TIMP3: variants seen among roughly 807,000 people sequenced by gnomAD.
TIMP3 encodes the protein TIMP metallopeptidase inhibitor 3, also known as metalloproteinase inhibitor 3.
In TIMP3, 11 loss-of-function variants were observed where a neutral mutation model predicts 30.0. The observed-to-expected ratio is 0.37, with a 90% CI of 0.23 to 0.61. TIMP3 has a LOEUF of 0.61. Ranked by LOEUF, TIMP3 falls within the 20% of genes least tolerant of loss-of-function variation. TIMP3 has a pLI of 0.70. For missense variants in TIMP3, 181 were observed against 276.8 expected (o/e 0.65, Z 2.45); for synonymous variants, 112 against 111.3 (o/e 1.01, Z -0.04).
At chr22:32,809,834 C>A (rs1231818835) in intron 1 of TIMP3, among the ~76,000 whole-genome samples, 1 of 152,172 alleles carries the variant, frequency 6.6e-6, no homozygotes, top group Non-Finnish European at 1.5e-5. Flanking sequence ...CTCCTGGCTT[C>A]TTTGGTATAT....
chr22:32,844,560 C>A (rs141090463), intron 1 of TIMP3, among the ~76,000 whole-genome samples: 1 of 152,114 alleles, frequency 6.6e-6, no homozygotes, highest in Non-Finnish European at 1.5e-5. Flanking sequence ...GCTTCTCAGG[C>A]GCATGATATA....
intron 1 of TIMP3, among the ~76,000 whole-genome samples, chr22:32,835,524 T>C (rs2047705656): frequency 6.6e-6 from 1 of 152,082 alleles, no homozygotes; most frequent in Non-Finnish European, 1.5e-5. Context: ...TGATTTTAAA[T>C]GTGAAGTATG....
chr22:32,815,811 C>T (rs1569246617), intron 1 of TIMP3, among the ~76,000 whole-genome samples: 1 of 152,132 alleles, frequency 6.6e-6, no homozygotes, highest in Non-Finnish European at 1.5e-5. Flanking sequence ...CTCCTGACTC[C>T]AGAGTCCGAG....
At chr22:32,816,343 T>G (rs536605752) in intron 1 of TIMP3, among the ~76,000 whole-genome samples, 2 of 152,212 alleles carry the variant, frequency 1.3e-5, no homozygotes, top group South Asian at 4.1e-4. Flanking sequence ...TCGATAAACA[T>G]GGGTGAAATA....
chr22:32,805,045 G>A (rs1026747255), intron 1 of TIMP3, among the ~76,000 whole-genome samples: 6 of 152,218 alleles, frequency 3.9e-5, no homozygotes, highest in African/African-American at 9.7e-5. Flanking sequence ...GTGTGTGCGC[G>A]TGTGTGGCTT....
intron 1 of TIMP3, among the ~76,000 whole-genome samples, chr22:32,844,169 G>A (rs1256348216): frequency 6.6e-6 from 1 of 152,198 alleles, no homozygotes; most frequent in Non-Finnish European, 1.5e-5. Flanking sequence ...TTAGGTCGGG[G>A]AAGAAGGGTC....
chr22:32,856,706 A>G (rs1222868230), intron 2 of TIMP3, among the ~76,000 whole-genome samples: 1 of 152,220 alleles, frequency 6.6e-6, no homozygotes, highest in Admixed American at 6.5e-5. Flanking sequence ...GAGATATACA[A>G]TAAGTTATTG....
Position 32,861,573 on chromosome 22 carries a change from C to A in TIMP3, c.*2196C>A, listed in dbSNP as rs1028670677. On this transcript the variant is annotated 3_prime_UTR_variant, in exon 5 of 5. Coordinates refer to ENST00000266085, the MANE Select transcript of TIMP3 (RefSeq NM_000362.5). ...TGAGGCATCTGGCCATTCGCACTCC[C>A]TGGTGTGGTCAGCCTCTCTCACACA... The A allele has an allele frequency of 1.3e-5, 2 of 152,580 alleles. No individual in the cohort carries two copies. The highest frequency in any genetic ancestry group is 2.9e-5 in the Non-Finnish European group (2 of 68,052). The allele number at this position is 152,580 out of a possible 1,614,324, so 9.5% of individuals were successfully genotyped here.
At chr22:32,833,795 T>C (rs752928315) in intron 1 of TIMP3, 5 of 499,554 alleles carry the variant, frequency 1.0e-5, no homozygotes, top group Non-Finnish European at 2.0e-5. Flanking sequence ...ACTTACTTTA[T>C]AGGGCCCTAG....
intron 1 of TIMP3, among the ~76,000 whole-genome samples, chr22:32,845,350 G>A (rs1211535543): frequency 6.6e-6 from 1 of 151,926 alleles, no homozygotes; most frequent in Non-Finnish European, 1.5e-5. Context: ...GCGGCCCCAT[G>A]CCCAGCTAAT....
intron 1 of TIMP3, among the ~76,000 whole-genome samples, chr22:32,830,913 G>A (rs1050589848): frequency 6.6e-6 from 1 of 152,190 alleles, no homozygotes; most frequent in Non-Finnish European, 1.5e-5. Flanking sequence ...CCTCAGCCTG[G>A]ATGGGGTTTT....
Position 32,801,957 on chromosome 22 carries a change from T to G in TIMP3, c.-45T>G. ...CCCGCCGGCGGCGCGCACGGCAACT[T>G]TGGAGAGGCGAGCAGCAGCCCCGGC... On this transcript the variant is annotated 5_prime_UTR_variant, in exon 1 of 5. Coordinates refer to ENST00000266085, the MANE Select transcript of TIMP3 (RefSeq NM_000362.5). The surrounding 1 kb of genome is among the most constrained non-coding windows in gnomAD (Gnocchi z 4.7). 1 of 1,564,344 alleles carries G rather than the reference T, an allele frequency of 6.4e-7. No homozygotes were observed.
rs1025014482 is a variant in TIMP3, at chr22:32,837,376, C to T, written c.122-12076C>T. On this transcript the variant is annotated intron_variant, in intron 1 of 4. Coordinates refer to ENST00000266085, the MANE Select transcript of TIMP3 (RefSeq NM_000362.5). This position sits in a 1 kb window ranked among gnomAD's most constrained non-coding sequence, Gnocchi z 4.1. ...TGCACTTGCATGGCAGTAAGCAAGTCGGCGCCTCTGACCCCTGAGTGGGCT... is the reference window on the plus strand; with the variant it reads ...TGCACTTGCATGGCAGTAAGCAAGTTGGCGCCTCTGACCCCTGAGTGGGCT... 9.5e-5 allele frequency among the ~76,000 whole-genome samples: 14 copies of T among 147,358 alleles called. No homozygotes were observed. Among genetic ancestry groups the T allele is most frequent in the African/African-American group, 3.1e-4 (12 of 38,176 alleles).
At chr22:32,846,349 C>G (rs1180842841) in intron 1 of TIMP3, among the ~76,000 whole-genome samples, 1 of 152,206 alleles carries the variant, frequency 6.6e-6, no homozygotes, top group Admixed American at 6.5e-5. Flanking sequence ...TATGAGGTTG[C>G]CTTTCTTCTC....
chr22:32,831,442 C>A (rs569642920), intron 1 of TIMP3, among the ~76,000 whole-genome samples: 2 of 152,212 alleles, frequency 1.3e-5, no homozygotes, highest in East Asian at 3.9e-4. Context: ...GCCAGATGAT[C>A]AGGGCAGCGG....
chr22:32,850,390 G>A (rs956429615), intron 2 of TIMP3, among the ~76,000 whole-genome samples: 2 of 151,994 alleles, frequency 1.3e-5, no homozygotes, highest in Middle Eastern at 3.2e-3. Context: ...CCTGGGATGC[G>A]GGCCATGTTA....
At chr22:32,810,820 C>T (rs2046897169) in intron 1 of TIMP3, among the ~76,000 whole-genome samples, 1 of 152,110 alleles carries the variant, frequency 6.6e-6, no homozygotes, top group South Asian at 2.1e-4. Context: ...AAGGTGTTTG[C>T]ATCTCATGTA....
At chr22:32,809,462 C>A (rs2046853614) in intron 1 of TIMP3, among the ~76,000 whole-genome samples, 1 of 152,094 alleles carries the variant, frequency 6.6e-6, no homozygotes, top group South Asian at 2.1e-4. Context: ...CCTAACATAA[C>A]CAAGCCTTAC....
intron 1 of TIMP3, among the ~76,000 whole-genome samples, chr22:32,825,330 G>C (rs559453251): frequency 6.6e-6 from 1 of 152,272 alleles, no homozygotes; most frequent in South Asian, 2.1e-4. Flanking sequence ...AGAACTTCTA[G>C]ATCCAGAGGA....
Sources: gnomAD v4.1 joint callset for allele counts (sites outside exome capture counted in the v4.1 genomes callset) on GRCh38, gnomAD v4.1.1 for gene constraint, Gnocchi (gnomAD v3.1) non-coding constraint, MANE v1.5 for transcripts, NCBI Gene and HGNC (gene_info 2026-07-23, HGNC 2026-07-21) for gene names.